The following SNCAIP variants were observed in gnomAD, a reference collection of about 807,000 sequenced individuals.
SNCAIP encodes the protein synuclein alpha interacting protein, also known as synphilin-1.
A neutral mutation model predicts 86.7 loss-of-function variants in SNCAIP; 43 were observed. The observed-to-expected ratio is 0.50, with a 90% confidence interval of 0.39 to 0.64. SNCAIP has a LOEUF of 0.64. SNCAIP is among the 30% of genes least tolerant of loss of function. The pLI is 0.00. For missense variants in SNCAIP, 981 were observed against 1,103.1 expected, an observed-to-expected ratio of 0.89 and a Z score of 1.57; for synonymous variants, 417 against 427.2, an observed-to-expected ratio of 0.98 and a Z score of 0.29.
intron 1 of SNCAIP, among the ~76,000 whole-genome samples, chr5:122,353,440 A>C (rs1157267139): frequency 1.1e-5 from 1 of 91,234 alleles, no homozygotes. Context: ...ATAATTAAGC[A>C]AAAAAAAAAA....
At chr5:122,327,287 C>T (rs776144924) in intron 1 of SNCAIP, among the ~76,000 whole-genome samples, 7 of 152,044 alleles carry the variant, frequency 4.6e-5, no homozygotes, top group Admixed American at 3.3e-4. Flanking sequence ...ACCCAAGAAC[C>T]TTCCTTGGCT....
At chr5:122,414,267 G>A (rs930572591) in intron 3 of SNCAIP, among the ~76,000 whole-genome samples, 4 of 144,144 alleles carry the variant, frequency 2.8e-5, no homozygotes, top group Non-Finnish European at 6.0e-5. Context: ...GTCTTGCTCT[G>A]TTGCCCAGGC....
chr5:122,351,253 C>T (rs553631835), intron 1 of SNCAIP, among the ~76,000 whole-genome samples: 72 of 152,130 alleles, frequency 4.7e-4, no homozygotes, highest in African/African-American at 1.7e-3. Context: ...AAAATGTGAA[C>T]TGGCCAGGCG....
intron 4 of SNCAIP, among the ~76,000 whole-genome samples, chr5:122,425,019 G>A (rs766213589): frequency 2.0e-5 from 3 of 152,124 alleles, no homozygotes; most frequent in East Asian, 1.9e-4. Flanking sequence ...CAGCCCTCAA[G>A]GACTTCACAA....
At chr5:122,457,327 A>G (rs768716290) in intron 10 of SNCAIP, among the ~76,000 whole-genome samples, 34 of 152,156 alleles carry the variant, frequency 2.2e-4, no homozygotes, top group Non-Finnish European at 4.1e-4. Context: ...CTAAGCCCTG[A>G]ACGGAAGTAT....
At chr5:122,408,749 A>G (rs976320867) in intron 3 of SNCAIP, among the ~76,000 whole-genome samples, 3 of 152,224 alleles carry the variant, frequency 2.0e-5, no homozygotes, top group Non-Finnish European at 4.4e-5. Flanking sequence ...CTGCCTGTGC[A>G]TGGAGATGCA....
chr5:122,385,591 A>T (rs1767939594), intron 1 of SNCAIP, among the ~76,000 whole-genome samples: 1 of 152,136 alleles, frequency 6.6e-6, no homozygotes, highest in African/African-American at 2.4e-5. Flanking sequence ...TATTGAAGAA[A>T]GTAAGCCCAA....
intron 1 of SNCAIP, among the ~76,000 whole-genome samples, chr5:122,383,744 C>G (rs996418774): frequency 6.6e-6 from 1 of 152,160 alleles, no homozygotes; most frequent in Non-Finnish European, 1.5e-5. Flanking sequence ...AAGGGCAAAA[C>G]TACAAAAAGA....
At chr5:122,312,580 T>G (rs1750824819) in intron 1 of SNCAIP, 1 of 152,324 alleles carries the variant, frequency 6.6e-6, no homozygotes, top group African/African-American at 2.4e-5. Context: ...GTTCTTTTCA[T>G]TTGCCCGCCT....
chr5:122,427,031 A>G (rs1458780984), intron 5 of SNCAIP, among the ~76,000 whole-genome samples: 1 of 152,220 alleles, frequency 6.6e-6, no homozygotes, highest in African/African-American at 2.4e-5. Context: ...GTAGACATCA[A>G]TGAGCATGTG....
intron 1 of SNCAIP, among the ~76,000 whole-genome samples, chr5:122,377,077 C>A (rs776335386): frequency 6.6e-6 from 1 of 152,150 alleles, no homozygotes; most frequent in Non-Finnish European, 1.5e-5. Context: ...GACTGACATC[C>A]CTGATATGTC....
At chr5:122,361,359 C>T (rs1407507657) in intron 1 of SNCAIP, among the ~76,000 whole-genome samples, 2 of 152,134 alleles carry the variant, frequency 1.3e-5, no homozygotes, top group Non-Finnish European at 2.9e-5. Flanking sequence ...ACTTACTCAG[C>T]ATCACTTTCT....
At chr5:122,460,921 G>T (rs754685692) in intron 10 of SNCAIP, among the ~76,000 whole-genome samples, 17 of 152,122 alleles carry the variant, frequency 1.1e-4, no homozygotes, top group Admixed American at 2.0e-4. Context: ...TCATCCTGGA[G>T]TCTCTCATGC....
At chr5:122,430,619 C>T (rs1474275071) in intron 5 of SNCAIP, among the ~76,000 whole-genome samples, 1 of 152,110 alleles carries the variant, frequency 6.6e-6, no homozygotes. Flanking sequence ...GTTTATATAT[C>T]ATACTGCTCT....
chr5:122,342,877 GAT>G (rs1757872930), intron 1 of SNCAIP, among the ~76,000 whole-genome samples: 2 of 152,136 alleles, frequency 1.3e-5, no homozygotes, highest in African/African-American at 4.8e-5. Flanking sequence ...GAATGTTTAG[GAT>G]ATGTTATTCT....
intron 1 of SNCAIP, among the ~76,000 whole-genome samples, chr5:122,388,086 GA>G (rs894436275): frequency 2.0e-5 from 3 of 152,134 alleles, no homozygotes; most frequent in African/African-American, 7.2e-5. Context: ...GAGGCTCTGG[GA>G]AAATGGGGAG....
intron 1 of SNCAIP, among the ~76,000 whole-genome samples, chr5:122,330,886 T>A (rs565454516): frequency 6.6e-6 from 1 of 151,946 alleles, no homozygotes; most frequent in Admixed American, 6.6e-5. Context: ...GCCCTGAGAT[T>A]GTTTTCCTGC....
At chr5:122,447,977 A>C (rs1308179813) in intron 8 of SNCAIP, among the ~76,000 whole-genome samples, 1 of 152,264 alleles carries the variant, frequency 6.6e-6, no homozygotes, top group African/African-American at 2.4e-5. Context: ...AAATGAGATC[A>C]CAGACTTCTC....
chr5:122,340,758 A>G (rs1179043841), intron 1 of SNCAIP, among the ~76,000 whole-genome samples: 1 of 152,238 alleles, frequency 6.6e-6, no homozygotes, highest in African/African-American at 2.4e-5. Context: ...TTTATACTCA[A>G]TTATTCAAAA....
Sources: allele counts gnomAD v4.1 joint callset (sites outside exome capture counted in the v4.1 genomes callset), GRCh38; gene constraint gnomAD v4.1.1; transcripts MANE v1.5; gene names NCBI Gene and HGNC (gene_info 2026-07-23, HGNC 2026-07-21).